ADAT1: variants seen among roughly 807,000 people sequenced by gnomAD.
The protein encoded by ADAT1 is tRNA-specific adenosine deaminase 1.
ADAT1 carries 58 observed loss-of-function variants against 58.6 expected under a neutral mutation model. The observed-to-expected ratio is 0.99, with a 90% CI of 0.80 to 1.23. The LOEUF is 1.23. ADAT1 is among the 50% of genes most tolerant of loss of function. The pLI, the probability that ADAT1 is intolerant of heterozygous loss-of-function variation, is 0.00. For synonymous variants in ADAT1, 254 were observed against 220.8 expected, an observed-to-expected ratio of 1.15 and a Z score of -1.33; for missense variants, 741 against 608.6, an observed-to-expected ratio of 1.22 and a Z score of -2.29.
In ADAT1 at chr16:75,620,454, C is replaced by A. The variant is rs374668278; in HGVS notation, c.170-120G>T. 1.8e-5 allele frequency: 26 copies of A among 1,416,722 alleles called. No homozygotes were observed. The Middle Eastern group carries it at 5.4e-4, about 30-fold the overall frequency. 87.8% of individuals were successfully genotyped at this position (1,416,722 alleles called of 1,614,324 possible). ...CAGAGGCCCACTCAACCAAGGTCTG[C>A]GGTTCCAGCATGGCGGTCTCCCGCC... On this transcript the variant is annotated intron_variant, in intron 2 of 9. Transcript: ENST00000564657.
In ADAT1 at chr16:75,597,886, C is replaced by T. The variant is rs936748317; in HGVS notation, c.*2330G>A. 1.3e-5 allele frequency among the ~76,000 whole-genome samples: 2 copies of T among 152,212 alleles called. No individual in the cohort carries two copies. Among genetic ancestry groups the T allele is most frequent in the Admixed American group, 6.5e-5 (1 of 15,282 alleles). On this transcript the variant is annotated 3_prime_UTR_variant, in exon 10 of 10. Coordinates refer to ENST00000564657, the MANE Select transcript of ADAT1 (RefSeq NM_001324445.2). ...GAGCGATGGGGGGCAGCCATAAATACAGATGAAACTTCAAGTGCTCACCTG... is the reference window on the plus strand; with the variant it reads ...GAGCGATGGGGGGCAGCCATAAATATAGATGAAACTTCAAGTGCTCACCTG...
At chr16:75,603,244 G>C in intron 8 of ADAT1, 73 bp from the exon 9 acceptor site, 1 of 1,342,656 alleles carries the variant, frequency 7.4e-7, no homozygotes, top group Non-Finnish European at 1.1e-6. Context: ...AAAGATGCCA[G>C]GCTTCATGTG....
At chr16:75,603,025 A>C in intron 9 of ADAT1, 60 bp downstream of exon 9, 1 of 1,494,642 alleles carries the variant, frequency 6.7e-7, no homozygotes, top group Non-Finnish European at 9.3e-7. Context: ...TGCTACTCAG[A>C]AGCCAGAATC....
In ADAT1 at chr16:75,614,981, T is replaced by A. The variant is rs62058709; in HGVS notation, c.425-2120A>T. Reference sequence around the variant, plus strand: ...GGTTCATGCCTGTAATCTCAGCACTTTGGGAGGCCGAGGTGGGCGAATCAC... The same window carrying A: ...GGTTCATGCCTGTAATCTCAGCACTATGGGAGGCCGAGGTGGGCGAATCAC... On this transcript the variant is annotated intron_variant, in intron 5 of 9. Transcript: ENST00000564657. Among the ~76,000 whole-genome samples, 366 of 152,176 alleles carry A rather than the reference T, an allele frequency of 2.4e-3. 1 individual carries two copies. Among genetic ancestry groups the A allele is most frequent in the Non-Finnish European group, 4.4e-3 (301 of 68,000 alleles).
chr16:75,608,849 CA>C lies in ADAT1; in HGVS notation c.1182del (p.Cys394TrpfsTer53). The C allele has an allele frequency of 6.2e-7, 1 of 1,613,506 alleles. No homozygotes were observed. Among genetic ancestry groups the C allele is most frequent in the South Asian group, 1.1e-5 (1 of 91,066 alleles). ...TCTAACCTGGATCTCTTACCTGCCC[CA>C]CAAGGAACAAGTCGACCTGGGCTAT... ...RADSPGRLVP[C>X]GAAISWSAVP... On this transcript the variant is annotated frameshift_variant, in exon 7 of 10. Coordinates refer to ENST00000564657, the MANE Select transcript of ADAT1 (RefSeq NM_001324445.2). LOFTEE classifies it high-confidence loss of function.
At chr16:75,602,748 G>T (rs2081264007) in intron 9 of ADAT1, among the ~76,000 whole-genome samples, 1 of 152,196 alleles carries the variant, frequency 6.6e-6, no homozygotes, top group African/African-American at 2.4e-5. Flanking sequence ...AGGAAAAGAG[G>T]AGTAACACTT....
chr16:75,620,550 C>T (rs918184284), intron 2 of ADAT1, 81 bp downstream of exon 2: 11 of 1,525,546 alleles, frequency 7.2e-6, no homozygotes, highest in South Asian at 2.4e-5. Flanking sequence ...ACCCTACCCA[C>T]GACTGTACCC....
chr16:75,613,170 T>A (rs1412096098), intron 5 of ADAT1, among the ~76,000 whole-genome samples: 2 of 152,188 alleles, frequency 1.3e-5, no homozygotes, highest in Non-Finnish European at 2.9e-5. Context: ...GAAGACTCTA[T>A]CCTGGACCCA....
intron 2 of ADAT1, 121 bp from the exon 3 acceptor site, chr16:75,620,455 G>C (rs1199235741): frequency 7.1e-7 from 1 of 1,417,034 alleles, no homozygotes; most frequent in Non-Finnish European, 9.9e-7. Flanking sequence ...CAAGGTCTGC[G>C]GTTCCAGCAT....
Position 75,598,150 on chromosome 16 carries a change from C to A in ADAT1, c.*2066G>T. The A allele has an allele frequency of 4.7e-6, 1 of 210,596 alleles. No individual in the cohort carries two copies. Among genetic ancestry groups the A allele is most frequent in the Non-Finnish European group, 1.0e-5 (1 of 99,140 alleles). 13.0% of individuals were successfully genotyped at this position (210,596 alleles called of 1,614,324 possible). A position where few individuals can be genotyped will look rare whatever the true frequency, so the allele number is the denominator to read the frequency against. ...AGAGTGCAGTGGCACGATCCTGGCT[C>A]ACTGCAACCTCCACCTCCTGGGTTT... On this transcript the variant is annotated 3_prime_UTR_variant, in exon 10 of 10. Transcript: ENST00000564657.
chr16:75,612,942 C>A lies in ADAT1; in HGVS notation c.425-81G>T, dbSNP rs1397987367. ...GCCACAATGGGATCTCTTGGGAATT[C>A]ATCAGAAATGCAAACTCTTGGGACC... On this transcript the variant is annotated intron_variant, in intron 5 of 9. Coordinates refer to ENST00000564657, the MANE Select transcript of ADAT1 (RefSeq NM_001324445.2). 7.9e-6 allele frequency: 12 copies of A among 1,511,464 alleles called. No homozygotes were observed. In the East Asian group the frequency reaches 2.7e-4, roughly 34 times the overall value. The allele number at this position is 1,511,464 out of a possible 1,614,324, so 93.6% of individuals were successfully genotyped here.
chr16:75,619,172 A>G (rs1438321164), intron 3 of ADAT1, among the ~76,000 whole-genome samples: 2 of 152,202 alleles, frequency 1.3e-5, no homozygotes, highest in Non-Finnish European at 2.9e-5. Flanking sequence ...GGTTAAGGCA[A>G]GGAGAATGGT....
At chr16:75,604,474 T>TATATATACACAC (rs1324943206) in intron 8 of ADAT1, among the ~76,000 whole-genome samples, 7 of 54,012 alleles carry the variant, frequency 1.3e-4, no homozygotes. Flanking sequence ...TATATATATA[T>TATATATACACAC]ACACACACAC....
At chr16:75,620,398 G>A (rs2081893629) in intron 2 of ADAT1, 64 bp from the exon 3 acceptor site, 3 of 1,559,744 alleles carry the variant, frequency 1.9e-6, no homozygotes, top group African/African-American at 1.4e-5. Flanking sequence ...GTTCAGGTGT[G>A]ATCAGCCTGC....
At position 75,612,794 on chromosome 16, in the gene ADAT1, A is replaced by T. The variant is rs766784517; in HGVS notation, c.492T>A (p.Asn164Lys). Residue 164 changes from asparagine (N) to lysine (K), a missense_variant, in exon 6 of 10, where the codon AAT (asparagine) becomes AAA (lysine). Asn to Lys is a moderately conservative substitution (Grantham distance 94). Coordinates refer to ENST00000564657, the MANE Select transcript of ADAT1 (RefSeq NM_001324445.2). ...EDQPCCPVFR[N>K]WAHNSSVEAS... ...CTTCTACTGATGAGTTGTGGGCCCA[A>T]TTTCTGAAGACAGGACAGCAAGGCT... 1 of 1,614,064 alleles carries T rather than the reference A, an allele frequency of 6.2e-7. No homozygotes were observed. Among genetic ancestry groups the T allele is most frequent in the South Asian group, 1.1e-5 (1 of 91,076 alleles).
intron 9 of ADAT1, among the ~76,000 whole-genome samples, chr16:75,601,377 A>C (rs868466799): frequency 6.6e-6 from 1 of 152,162 alleles, no homozygotes; most frequent in Middle Eastern, 3.4e-3. Context: ...TAGTTATCAA[A>C]ACCCTACTAC....
At chr16:75,605,131 C>T (rs775370847) in intron 8 of ADAT1, among the ~76,000 whole-genome samples, 1 of 152,182 alleles carries the variant, frequency 6.6e-6, no homozygotes. Context: ...CATTCTGTGG[C>T]CCAGGCTGGA....
intron 4 of ADAT1, among the ~76,000 whole-genome samples, chr16:75,618,098 C>CAAAAAAAAA (rs1163510620): frequency 1.9e-3 from 61 of 32,524 alleles, no homozygotes; most frequent in African/African-American, 5.1e-3. Context: ...ACCCTGTGTC[C>CAAAAAAAAA]AAAAAAAAAA....
chr16:75,614,107 T>C (rs2081633938), intron 5 of ADAT1, among the ~76,000 whole-genome samples: 1 of 152,028 alleles, frequency 6.6e-6, no homozygotes, highest in Admixed American at 6.5e-5. Flanking sequence ...GAACAATCGC[T>C]TGAATCCAGG....
Sources: gnomAD v4.1 joint callset for allele counts (sites outside exome capture counted in the v4.1 genomes callset) on GRCh38, gnomAD v4.1.1 for gene constraint, MANE v1.5 for transcripts, NCBI Gene and HGNC (gene_info 2026-07-23, HGNC 2026-07-21) for gene names.